TENM3: variants seen among roughly 807,000 people sequenced by gnomAD.
TENM3 encodes teneurin transmembrane protein 3.
Under a neutral mutation model 255.1 loss-of-function variants are expected in TENM3, and 63 were observed. The observed-to-expected ratio is 0.25, with a 90% confidence interval of 0.20 to 0.30. The LOEUF (loss-of-function observed/expected upper bound fraction) is 0.30. Ranked by LOEUF, TENM3 falls within the 10% of genes least tolerant of loss-of-function variation. The pLI, the probability that TENM3 is intolerant of heterozygous loss-of-function variation, is 1.00. For missense variants in TENM3, 2,929 were observed against 3,461.1 expected, an observed-to-expected ratio of 0.85 and a Z score of 3.86; for synonymous variants, 1,306 against 1,322.3, an observed-to-expected ratio of 0.99 and a Z score of 0.27.
the TENM3 span, among the ~76,000 whole-genome samples, chr4:181,801,351 G>A: frequency 6.6e-6 from 1 of 152,054 alleles, no homozygotes; most frequent in Non-Finnish European, 1.5e-5. Flanking sequence ...AATAGGAAAA[G>A]TACTATTGTA....
intron 3 of TENM3, among the ~76,000 whole-genome samples, chr4:182,375,007 T>G (rs896869111): frequency 2.0e-5 from 3 of 152,086 alleles, no homozygotes; most frequent in Non-Finnish European, 4.4e-5. Flanking sequence ...CTCTCTGCCT[T>G]TGATCATACC....
At chr4:181,496,732 C>T in the TENM3 span, among the ~76,000 whole-genome samples, 3 of 152,132 alleles carry the variant, frequency 2.0e-5, no homozygotes, top group Non-Finnish European at 4.4e-5. Context: ...CGGTGAATGT[C>T]AAATGAATTA....
chr4:182,469,315 G>A (rs538975091), intron 3 of TENM3, among the ~76,000 whole-genome samples: 4 of 152,160 alleles, frequency 2.6e-5, no homozygotes, highest in South Asian at 4.2e-4. Context: ...TGCATTTTTA[G>A]TTCACGTAAT....
chr4:182,738,123 G>A (rs1430154184), intron 17 of TENM3, among the ~76,000 whole-genome samples: 2 of 152,002 alleles, frequency 1.3e-5, no homozygotes, highest in Non-Finnish European at 2.9e-5. Context: ...TGCCCAATCT[G>A]GACTTTATTT....
chr4:182,773,327 T>C, intron 22 of TENM3, 145 bp from the exon 23 acceptor site: 1 of 688,598 alleles, frequency 1.5e-6, no homozygotes, highest in Non-Finnish European at 2.3e-6. Context: ...CAAAGCATGT[T>C]TGAAGTCTTC....
chr4:181,513,909 G>T, the TENM3 span, among the ~76,000 whole-genome samples: 8 of 152,184 alleles, frequency 5.3e-5, no homozygotes, highest in South Asian at 1.7e-3. Flanking sequence ...CATGAGACAG[G>T]TTTTCTTTTA....
intron 22 of TENM3, among the ~76,000 whole-genome samples, chr4:182,764,169 A>G (rs563214695): frequency 6.6e-6 from 1 of 152,350 alleles, no homozygotes; most frequent in African/African-American, 2.4e-5. Context: ...AAATTATTAA[A>G]TTATTTCAAA....
chr4:181,613,596 T>G, the TENM3 span, among the ~76,000 whole-genome samples: 1 of 152,170 alleles, frequency 6.6e-6, no homozygotes, highest in East Asian at 1.9e-4. Context: ...GACTTTGTAT[T>G]ATGTCTCTCT....
the TENM3 span, among the ~76,000 whole-genome samples, chr4:181,591,260 C>T: frequency 2.4e-4 from 37 of 152,304 alleles, no homozygotes; most frequent in Admixed American, 2.2e-3. Context: ...CTGAAACTCA[C>T]ACACATGACT....
chr4:181,567,113 A>G, the TENM3 span, among the ~76,000 whole-genome samples: 2 of 152,326 alleles, frequency 1.3e-5, no homozygotes, highest in South Asian at 2.1e-4. Context: ...ACTCTGATCA[A>G]TAAGAGTAGA....
intron 3 of TENM3, among the ~76,000 whole-genome samples, chr4:182,372,553 G>C (rs1766899959): frequency 6.6e-6 from 1 of 151,978 alleles, no homozygotes; most frequent in Admixed American, 6.6e-5. Flanking sequence ...CATTTGTGAT[G>C]CATCTTAGCG....
At chr4:181,824,499 T>C in the TENM3 span, among the ~76,000 whole-genome samples, 2 of 152,280 alleles carry the variant, frequency 1.3e-5, no homozygotes, top group African/African-American at 2.4e-5. Flanking sequence ...TATAGCACTA[T>C]GTAGAATAAC....
chr4:182,175,389 A>C (rs907654145), intron 1 of TENM3, among the ~76,000 whole-genome samples: 1 of 151,560 alleles, frequency 6.6e-6, no homozygotes, highest in Non-Finnish European at 1.5e-5. Context: ...ATGCACAGAG[A>C]TGTTTTGCAA....
In TENM3 at chr4:182,564,853, G is replaced by T. The variant is rs149982057; in HGVS notation, c.512-36071G>T. 8.5e-4 allele frequency among the ~76,000 whole-genome samples: 129 copies of T among 152,266 alleles called. 1 individual carries two copies. In the East Asian group the frequency reaches 0.021, roughly 24 times the overall value. ...AAATGTCAAATATTTCTATGGCAGTGTAATTTTTAAATATACAAGTTTATT... is the reference window on the plus strand; with the variant it reads ...AAATGTCAAATATTTCTATGGCAGTTTAATTTTTAAATATACAAGTTTATT... On this transcript the variant is annotated intron_variant, in intron 3 of 27. Coordinates refer to ENST00000511685, the MANE Select transcript of TENM3 (RefSeq NM_001080477.4).
chr4:182,569,512 C>T (rs1744141854), intron 3 of TENM3, among the ~76,000 whole-genome samples: 1 of 151,438 alleles, frequency 6.6e-6, no homozygotes, highest in Non-Finnish European at 1.5e-5. Context: ...CAATATTGCG[C>T]CACTGCACTC....
intron 1 of TENM3, among the ~76,000 whole-genome samples, chr4:182,145,789 A>C (rs6814285): frequency 0.87 from 132,726 of 152,248 alleles, 57,919 homozygotes; most frequent in Non-Finnish European, 0.88. Context: ...CGAGAACAGG[A>C]CTGTCTCTTC....
rs1554072012 is a variant in TENM3, at chr4:182,468,868, G to GTA, written c.511+121940_511+121941insAT. ...TGTGTGTGTGTGTGTGTGTGTGTGTGTGTATGTGCATGTTGATTAGGCTAT... is the reference window on the plus strand; with the variant it reads ...TGTGTGTGTGTGTGTGTGTGTGTGTGTATGTATGTGCATGTTGATTAGGCTAT... On this transcript the variant is annotated intron_variant, in intron 3 of 27. Coordinates refer to ENST00000511685, the MANE Select transcript of TENM3 (RefSeq NM_001080477.4). Among the ~76,000 whole-genome samples, 90 of 135,718 alleles carry GTA rather than the reference G, an allele frequency of 6.6e-4. 1 individual carries two copies. The highest frequency in any genetic ancestry group is 2.3e-3 in the African/African-American group (87 of 37,492). The allele number at this position is 135,718 out of a possible 152,430, so 89.0% of individuals were successfully genotyped here.
the TENM3 span, among the ~76,000 whole-genome samples, chr4:181,972,589 G>A: frequency 1.1e-4 from 16 of 152,206 alleles, no homozygotes; most frequent in South Asian, 2.1e-4. Context: ...TGAACTCTTA[G>A]CAATGAACTC....
In TENM3 at chr4:182,413,353, A is replaced by G. The variant is rs148745809; in HGVS notation, c.511+66424A>G. Among the ~76,000 whole-genome samples the G allele has an allele frequency of 4.0e-4, 61 of 152,340 alleles. No individual in the cohort carries two copies. In the Middle Eastern group the frequency reaches 0.01, roughly 25 times the overall value. ...ATCTACAGGCTGGGCACGCTGGCTC[A>G]TATCTGTAATCCCAGCACTTTAGGA... On this transcript the variant is annotated intron_variant, in intron 3 of 27. Transcript: ENST00000511685.
Sources: allele counts gnomAD v4.1 joint callset (sites outside exome capture counted in the v4.1 genomes callset), GRCh38; gene constraint gnomAD v4.1.1; transcripts MANE v1.5; gene names NCBI Gene and HGNC (gene_info 2026-07-23, HGNC 2026-07-21).